DSCAM: variants seen among roughly 807,000 people sequenced by gnomAD.
DSCAM encodes the protein cell adhesion molecule DSCAM.
In DSCAM, 47 loss-of-function variants were observed where a neutral mutation model predicts 217.7. The ratio of observed to expected loss-of-function variants is 0.22; its 90% CI spans 0.17 to 0.28. The LOEUF is 0.28. Ranked by LOEUF, DSCAM falls within the 10% of genes least tolerant of loss-of-function variation. The probability of loss-of-function intolerance (pLI) is 1.00; values close to 1 mark genes in which losing one functional copy is unlikely to be tolerated. For missense variants in DSCAM, 2,080 were observed against 2,618.3 expected (o/e 0.79, Z 4.49); for synonymous variants, 1,056 against 1,015.3 (o/e 1.04, Z -0.76).
At chr21:40,485,394 C>T (rs575176895) in intron 3 of DSCAM, among the ~76,000 whole-genome samples, 20 of 152,068 alleles carry the variant, frequency 1.3e-4, no homozygotes, top group South Asian at 1.0e-3. Flanking sequence ...AGGCGCCCGC[C>T]ACCGCGCCCG....
At chr21:40,497,011 T>C (rs1033330921) in intron 3 of DSCAM, among the ~76,000 whole-genome samples, 1 of 152,150 alleles carries the variant, frequency 6.6e-6, no homozygotes, top group Admixed American at 6.6e-5. Context: ...TGAGGATGTG[T>C]ATCAAAGAGA....
rs561795728 is a variant in DSCAM at position 40,782,063 on chromosome 21, C to T, written c.43+64556G>A. On this transcript the variant is annotated intron_variant, in intron 1 of 32. Coordinates refer to ENST00000400454, the MANE Select transcript of DSCAM (RefSeq NM_001389.5). ...GCGGGCGCCTGCAGTACCAACTACT[C>T]GGGAGGCTGAGGCAGGAGAATGGCG... 1.1e-3 allele frequency among the ~76,000 whole-genome samples: 161 copies of T among 151,072 alleles called. 2 individuals are homozygous for T. The highest frequency in any genetic ancestry group is 3.5e-3 in the Middle Eastern group (1 of 286).
At chr21:40,693,248 A>T (rs1248400584) in intron 2 of DSCAM, among the ~76,000 whole-genome samples, 1 of 152,172 alleles carries the variant, frequency 6.6e-6, no homozygotes, top group Non-Finnish European at 1.5e-5. Context: ...CAGACTGGGC[A>T]ACATGGCAAC....
At chr21:40,185,304 C>A (rs1369525111) in intron 14 of DSCAM, among the ~76,000 whole-genome samples, 2 of 152,138 alleles carry the variant, frequency 1.3e-5, no homozygotes, top group Admixed American at 6.5e-5. Context: ...CCTTTGTGGT[C>A]TCCTTGCCAG....
chr21:40,314,674 T>A (rs1034658660), intron 8 of DSCAM, among the ~76,000 whole-genome samples: 1 of 152,232 alleles, frequency 6.6e-6, no homozygotes, highest in Non-Finnish European at 1.5e-5. Flanking sequence ...TTTGATTTCC[T>A]GGACACAAAA....
rs34579385 is a variant in DSCAM, at chr21:40,311,933, ATTTTT to A, written c.2062+143_2062+147del. On this transcript the variant is annotated intron_variant, in intron 9 of 32. Transcript: ENST00000400454. The stretch of plus-strand genomic sequence containing the variant: ...AATTCATGGTTGGGTTTAGAGTCGT[ATTTTT>A]TTTTTTTTTTTTTTTTTTTTTTAGT... The A allele has an allele frequency of 3.9e-3, 786 of 201,994 alleles. 1 individual carries two copies. Among genetic ancestry groups the A allele is most frequent in the East Asian group, 0.017 (154 of 9,088 alleles). The allele number at this position is 201,994 out of a possible 1,614,324, so 12.5% of individuals were successfully genotyped here. A position where few individuals can be genotyped will look rare whatever the true frequency, so the allele number is the denominator to read the frequency against.
intron 3 of DSCAM, among the ~76,000 whole-genome samples, chr21:40,602,433 T>C (rs1018464252): frequency 9.2e-5 from 14 of 152,180 alleles, no homozygotes; most frequent in African/African-American, 2.4e-4. Context: ...TAGATTTCAC[T>C]AGTGCAAACA....
In DSCAM at chr21:40,572,085, G is replaced by GGTGTGT. The variant is rs10553285; in HGVS notation, c.508+120719_508+120724dup. Among the ~76,000 whole-genome samples the GGTGTGT allele has an allele frequency of 3.8e-4, 56 of 148,628 alleles. No homozygotes were observed. In the South Asian group the frequency reaches 0.01, roughly 28 times the overall value. On this transcript the variant is annotated intron_variant, in intron 3 of 32. Transcript: ENST00000400454. ...GGGATACTCAACATGTGTGTGTGTGGGTGTGTGTGTGTGTGTGTGTGTGTG... is the reference window on the plus strand; with the variant it reads ...GGGATACTCAACATGTGTGTGTGTGGGTGTGTGTGTGTGTGTGTGTGTGTGTGTGTG...
intron 32 of DSCAM, among the ~76,000 whole-genome samples, chr21:40,033,721 G>C (rs2088578871): frequency 6.6e-6 from 1 of 151,128 alleles, no homozygotes; most frequent in Non-Finnish European, 1.5e-5. Flanking sequence ...CCACCTCTAG[G>C]GGCAGGGCAC....
At chr21:40,353,993 T>A (rs560407333) in intron 4 of DSCAM, among the ~76,000 whole-genome samples, 7 of 152,312 alleles carry the variant, frequency 4.6e-5, no homozygotes, top group African/African-American at 1.7e-4. Flanking sequence ...GAATAAAAGA[T>A]CCAGAATGAG....
intron 11 of DSCAM, among the ~76,000 whole-genome samples, chr21:40,214,068 A>C (rs1189219539): frequency 6.6e-6 from 1 of 152,222 alleles, no homozygotes; most frequent in Admixed American, 6.5e-5. Context: ...AAACACACGA[A>C]GCGAGACATC....
chr21:40,283,595 G>C (rs2073790514), intron 10 of DSCAM, among the ~76,000 whole-genome samples: 1 of 152,168 alleles, frequency 6.6e-6, no homozygotes, highest in African/African-American at 2.4e-5. Context: ...TTCCTTCACT[G>C]TTAAGTCTTT....
intron 20 of DSCAM, among the ~76,000 whole-genome samples, chr21:40,110,111 A>G (rs2089876402): frequency 6.6e-6 from 1 of 152,182 alleles, no homozygotes; most frequent in Middle Eastern, 3.2e-3. Flanking sequence ...GAACAGACAG[A>G]CTGCCTCCTC....
chr21:40,293,098 T>G (rs1033185755), intron 10 of DSCAM, among the ~76,000 whole-genome samples: 1 of 152,180 alleles, frequency 6.6e-6, no homozygotes, highest in Non-Finnish European at 1.5e-5. Flanking sequence ...TCAACAATAG[T>G]GTTGGAGATA....
At chr21:40,543,618 A>T (rs889422065) in intron 3 of DSCAM, among the ~76,000 whole-genome samples, 1 of 152,094 alleles carries the variant, frequency 6.6e-6, no homozygotes, top group African/African-American at 2.4e-5. Flanking sequence ...AGGGATCCCA[A>T]ATCTACAAGG....
chr21:40,503,349 T>C (rs1443887917), intron 3 of DSCAM, among the ~76,000 whole-genome samples: 1 of 152,256 alleles, frequency 6.6e-6, no homozygotes, highest in Non-Finnish European at 1.5e-5. Flanking sequence ...AGTATCAGCC[T>C]ACACTGTTTA....
At chr21:40,485,308 T>A (rs1013644677) in intron 3 of DSCAM, among the ~76,000 whole-genome samples, 1 of 149,086 alleles carries the variant, frequency 6.7e-6, no homozygotes, top group Non-Finnish European at 1.5e-5. Context: ...AGTGGCGCGA[T>A]CTCGGCTCAC....
At chr21:40,618,491 G>A (rs1037342306) in intron 3 of DSCAM, 3 of 152,204 alleles carry the variant, frequency 2.0e-5, no homozygotes, top group Admixed American at 1.3e-4. Context: ...AGTTTCATGA[G>A]AGAGAAGCAT....
chr21:40,376,559 T>TATATATCTTATATAGATATCG (rs2074958289), intron 3 of DSCAM, among the ~76,000 whole-genome samples: 1 of 116,186 alleles, frequency 8.6e-6, no homozygotes, highest in Non-Finnish European at 1.7e-5. Context: ...TATCGATATC[T>TATATATCTTATATAGATATCG]ATATATCTTA....
Sources: gnomAD v4.1 joint callset for allele counts (sites outside exome capture counted in the v4.1 genomes callset) on GRCh38, gnomAD v4.1.1 for gene constraint, MANE v1.5 for transcripts, NCBI Gene and HGNC (gene_info 2026-07-23, HGNC 2026-07-21) for gene names.